ZNF536: variants seen among roughly 807,000 people sequenced by gnomAD.
ZNF536 encodes zinc finger protein 536.
In ZNF536, 13 loss-of-function variants were observed where a neutral mutation model predicts 84.5. That is an observed-to-expected ratio of 0.15 (90% CI 0.10 to 0.24). The LOEUF (loss-of-function observed/expected upper bound fraction) is 0.24. ZNF536 is among the 10% of genes least tolerant of loss of function. ZNF536 has a pLI of 1.00. For synonymous variants in ZNF536, 811 were observed against 742.5 expected, an observed-to-expected ratio of 1.09 and a Z score of -1.50; for missense variants, 1,536 against 1,747.5, an observed-to-expected ratio of 0.88 and a Z score of 2.16.
intron 1 of ZNF536, among the ~76,000 whole-genome samples, chr19:30,581,686 T>A (rs1214663110): frequency 1.3e-5 from 2 of 151,658 alleles, no homozygotes; most frequent in Admixed American, 6.6e-5. Context: ...CCCTGTAATC[T>A]CAGCACTTTG....
intron 2 of ZNF536, among the ~76,000 whole-genome samples, chr19:30,533,090 G>A (rs2044915674): frequency 6.6e-6 from 1 of 152,180 alleles, no homozygotes; most frequent in African/African-American, 2.4e-5. Context: ...GAGTTGGGGA[G>A]AATAGGATTA....
Position 30,344,464 on chromosome 19 carries a change from C to G in ZNF536, c.-119-7904C>G, listed in dbSNP as rs114907873. Among the ~76,000 whole-genome samples, 408 of 112,792 alleles carry G rather than the reference C, an allele frequency of 3.6e-3. 1 individual carries two copies. The highest frequency in any genetic ancestry group is 0.013 in the African/African-American group (390 of 29,140). 74.0% of individuals were successfully genotyped at this position (112,792 alleles called of 152,430 possible). ...TCAAAAAAAAAAAAAAAAAAAAAGA[C>G]AAGGATGCTGTCACCCATATCTCAG... On this transcript the variant is annotated intron_variant, in intron 2 of 5. Transcript: ENST00000585628.
chr19:30,601,095 G>A (rs1189977840), intron 1 of ZNF536, among the ~76,000 whole-genome samples: 1 of 152,230 alleles, frequency 6.6e-6, no homozygotes, highest in Admixed American at 6.5e-5. Flanking sequence ...TGTTCCCACA[G>A]TGAGGACGCT....
chr19:30,702,816 A>G (rs566573669), intron 1 of ZNF536, among the ~76,000 whole-genome samples: 1 of 152,324 alleles, frequency 6.6e-6, no homozygotes, highest in South Asian at 2.1e-4. Flanking sequence ...TTTGCTGGAA[A>G]AAAATGCTTG....
At chr19:30,570,907 C>T (rs1269179145) in intron 1 of ZNF536, among the ~76,000 whole-genome samples, 1 of 152,080 alleles carries the variant, frequency 6.6e-6, no homozygotes, top group Non-Finnish European at 1.5e-5. Context: ...GGAATATGCC[C>T]AATTACTCCC....
At chr19:30,614,205 C>T (rs903124891) in intron 1 of ZNF536, among the ~76,000 whole-genome samples, 1 of 152,150 alleles carries the variant, frequency 6.6e-6, no homozygotes, top group Non-Finnish European at 1.5e-5. Flanking sequence ...TTTTCCACCT[C>T]TTCCATATTT....
intron 1 of ZNF536, among the ~76,000 whole-genome samples, chr19:30,564,601 G>A (rs1481575208): frequency 6.6e-6 from 1 of 152,140 alleles, no homozygotes; most frequent in African/African-American, 2.4e-5. Context: ...AGGCTTCGAG[G>A]GTCAGGGAGA....
chr19:30,438,729 T>G (rs1450561915), intron 1 of ZNF536, among the ~76,000 whole-genome samples: 2 of 152,186 alleles, frequency 1.3e-5, no homozygotes, highest in Non-Finnish European at 2.9e-5. Flanking sequence ...CAGGCTGAAG[T>G]GCAGTGGTAC....
At chr19:30,593,900 C>T (rs1256938107) in intron 1 of ZNF536, among the ~76,000 whole-genome samples, 3 of 152,120 alleles carry the variant, frequency 2.0e-5, no homozygotes. Context: ...CAAAGTAGAG[C>T]CTTGTAGACA....
intron 1 of ZNF536, among the ~76,000 whole-genome samples, chr19:30,247,551 G>A (rs2024349530): frequency 6.6e-6 from 1 of 152,160 alleles, no homozygotes; most frequent in African/African-American, 2.4e-5. Context: ...GCTGGGCGTG[G>A]TGGATCAAGC....
At chr19:30,336,268 T>C (rs535422203) in intron 2 of ZNF536, among the ~76,000 whole-genome samples, 1 of 152,324 alleles carries the variant, frequency 6.6e-6, no homozygotes, top group African/African-American at 2.4e-5. Context: ...GAAGTTGCCC[T>C]CCAGGAAGGC....
At chr19:30,403,665 A>G (rs947589059) in intron 1 of ZNF536, among the ~76,000 whole-genome samples, 3 of 152,232 alleles carry the variant, frequency 2.0e-5, no homozygotes, top group African/African-American at 7.2e-5. Flanking sequence ...AGCTCTAGAA[A>G]GAAGACCCAC....
At chr19:30,681,684 G>A (rs953299976) in intron 1 of ZNF536, among the ~76,000 whole-genome samples, 17 of 152,126 alleles carry the variant, frequency 1.1e-4, no homozygotes, top group African/African-American at 3.1e-4. Context: ...AGGAAGCCAC[G>A]CTGCAGACTG....
At chr19:30,458,363 G>T in intron 2 of ZNF536, among the ~76,000 whole-genome samples, 1 of 151,240 alleles carries the variant, frequency 6.6e-6, no homozygotes, top group East Asian at 1.9e-4. Flanking sequence ...ATGGCTTGGG[G>T]GTGATTTTAA....
At chr19:30,482,590 C>A (rs1433478145) in intron 2 of ZNF536, among the ~76,000 whole-genome samples, 6 of 151,802 alleles carry the variant, frequency 4.0e-5, no homozygotes, top group South Asian at 2.1e-4. Flanking sequence ...TTAGTTAGAA[C>A]TAAATCTAGA....
chr19:30,505,358 T>TTTATG (rs2055129316), intron 2 of ZNF536, among the ~76,000 whole-genome samples: 1 of 147,388 alleles, frequency 6.8e-6, no homozygotes, highest in African/African-American at 2.5e-5. Flanking sequence ...AAATATATAT[T>TTTATG]ATAATGATAT....
intron 2 of ZNF536, among the ~76,000 whole-genome samples, chr19:30,508,820 C>CTTTCT (rs2055280781): frequency 1.0e-4 from 7 of 68,792 alleles, no homozygotes; most frequent in Admixed American, 3.5e-4. Context: ...TTCTTTCTTT[C>CTTTCT]TTTTTTTTTT....
At chr19:30,283,810 T>C (rs1200968906) in intron 1 of ZNF536, among the ~76,000 whole-genome samples, 1 of 151,966 alleles carries the variant, frequency 6.6e-6, no homozygotes, top group African/African-American at 2.4e-5. Flanking sequence ...ATAGAGAAGA[T>C]AAGAGATGGT....
intron 4 of ZNF536, 31 bp downstream of exon 4, chr19:30,549,545 A>G (rs761108819): frequency 6.7e-7 from 1 of 1,491,718 alleles, no homozygotes; most frequent in Non-Finnish European, 8.9e-7. Context: ...CCTATAGTTC[A>G]TTTCCCAAAA....
Sources: allele counts gnomAD v4.1 joint callset (sites outside exome capture counted in the v4.1 genomes callset), GRCh38; gene constraint gnomAD v4.1.1; transcripts MANE v1.5; gene names NCBI Gene and HGNC (gene_info 2026-07-23, HGNC 2026-07-21).